SGCD: variants seen among roughly 807,000 people sequenced by gnomAD.
SGCD encodes delta-sarcoglycan.
In SGCD, 18 loss-of-function variants were observed where a neutral mutation model predicts 36.6. The observed-to-expected ratio is 0.49, with a 90% CI of 0.34 to 0.73. SGCD has a LOEUF of 0.73. SGCD is among the 30% of genes least tolerant of loss of function. SGCD has a pLI of 0.01. For missense variants in SGCD, 387 were observed against 346.7 expected (o/e 1.12, Z -0.92); for synonymous variants, 133 against 130.6 (o/e 1.02, Z -0.12).
chr5:156,415,136 CT>C (rs1255491875), intron 3 of SGCD, among the ~76,000 whole-genome samples: 2 of 151,906 alleles, frequency 1.3e-5, no homozygotes, highest in Non-Finnish European at 2.9e-5. Flanking sequence ...AAAGGTCTGT[CT>C]TTAGTTATAC....
At chr5:155,778,574 A>G in the SGCD span, among the ~76,000 whole-genome samples, 2 of 152,150 alleles carry the variant, frequency 1.3e-5, no homozygotes, top group African/African-American at 4.8e-5. Flanking sequence ...GAGCCTACGC[A>G]TCTAATTTTA....
chr5:155,919,140 A>G (rs1280275429), intron 1 of SGCD, among the ~76,000 whole-genome samples: 1 of 152,262 alleles, frequency 6.6e-6, no homozygotes, highest in Non-Finnish European at 1.5e-5. Context: ...ACTAAAAATA[A>G]CATAAGACAG....
chr5:156,128,417 C>T (rs1339593131), intron 3 of SGCD, among the ~76,000 whole-genome samples: 4 of 152,248 alleles, frequency 2.6e-5, no homozygotes, highest in African/African-American at 9.6e-5. Flanking sequence ...AACATTTGTG[C>T]ACACATTTTC....
intron 1 of SGCD, among the ~76,000 whole-genome samples, chr5:155,942,334 G>GTATGTATCTATC (rs779514666): frequency 8.7e-4 from 120 of 138,498 alleles, no homozygotes; most frequent in African/African-American, 1.7e-3. Flanking sequence ...ATGTATGTAT[G>GTATGTATCTATC]TATCTATCTA....
intron 3 of SGCD, among the ~76,000 whole-genome samples, chr5:156,301,130 T>C (rs1348823069): frequency 6.6e-6 from 1 of 152,050 alleles, no homozygotes; most frequent in Admixed American, 6.5e-5. Context: ...TGCCATTTTG[T>C]TATTTATTTT....
At chr5:156,733,677 G>T (rs561907189) in intron 7 of SGCD, among the ~76,000 whole-genome samples, 12 of 152,156 alleles carry the variant, frequency 7.9e-5, no homozygotes, top group Non-Finnish European at 1.5e-4. Context: ...ATGAATCTGG[G>T]TGCATATTTA....
At chr5:156,294,743 TG>T (rs1766851452) in intron 3 of SGCD, among the ~76,000 whole-genome samples, 1 of 152,210 alleles carries the variant, frequency 6.6e-6, no homozygotes, top group Non-Finnish European at 1.5e-5. Flanking sequence ...GATGATCATG[TG>T]GTTCCTCCTG....
chr5:156,568,940 G>A lies in SGCD; in HGVS notation c.295-20291G>A, dbSNP rs570605911. ...ATACCATGAAATCATTATTATGTAT[G>A]TACACCAATATTACAGAATTCATGG... On this transcript the variant is annotated intron_variant, in intron 4 of 8. Coordinates refer to ENST00000337851, the MANE Select transcript of SGCD (RefSeq NM_000337.6). Among the ~76,000 whole-genome samples the A allele has an allele frequency of 1.6e-3, 243 of 152,262 alleles. 5 individuals carry two copies. In the South Asian group the frequency reaches 0.025, roughly 16 times the overall value.
chr5:156,075,200 A>T (rs1760736674), intron 1 of SGCD, among the ~76,000 whole-genome samples: 1 of 152,174 alleles, frequency 6.6e-6, no homozygotes, highest in African/African-American at 2.4e-5. Context: ...TACAAAAAAA[A>T]AATGCAGAAA....
At chr5:156,682,055 A>G (rs1208421670) in intron 7 of SGCD, among the ~76,000 whole-genome samples, 2 of 152,238 alleles carry the variant, frequency 1.3e-5, no homozygotes, top group African/African-American at 4.8e-5. Flanking sequence ...TAGAATCTAT[A>G]TAAAAAGGGT....
At chr5:156,379,667 G>A (rs931083619) in intron 3 of SGCD, among the ~76,000 whole-genome samples, 8 of 152,060 alleles carry the variant, frequency 5.3e-5, no homozygotes, top group African/African-American at 1.9e-4. Flanking sequence ...CAGAAGGGGA[G>A]AGGGGAGAAG....
At chr5:156,714,513 CAG>C (rs1159689128) in intron 7 of SGCD, among the ~76,000 whole-genome samples, 1 of 152,080 alleles carries the variant, frequency 6.6e-6, no homozygotes, top group Admixed American at 6.6e-5. Context: ...TATCTTTAAA[CAG>C]AAACACACAT....
intron 3 of SGCD, among the ~76,000 whole-genome samples, chr5:156,263,759 G>T (rs1451912410): frequency 6.6e-6 from 1 of 152,030 alleles, no homozygotes; most frequent in Non-Finnish European, 1.5e-5. Flanking sequence ...ATCTTGAGTT[G>T]ACTTTTGTAT....
intron 3 of SGCD, among the ~76,000 whole-genome samples, chr5:156,384,406 C>T (rs985938948): frequency 1.3e-5 from 2 of 152,072 alleles, no homozygotes; most frequent in African/African-American, 4.8e-5. Flanking sequence ...CTATCAAAGC[C>T]TTTCTTGTTC....
chr5:156,205,268 A>T (rs955501037), intron 3 of SGCD, among the ~76,000 whole-genome samples: 4 of 152,078 alleles, frequency 2.6e-5, no homozygotes, highest in African/African-American at 9.7e-5. Context: ...GTAGGCTGGT[A>T]AGAGTTAAGA....
chr5:156,572,077 A>G (rs1393276643), intron 4 of SGCD, among the ~76,000 whole-genome samples: 3 of 152,234 alleles, frequency 2.0e-5, no homozygotes, highest in Admixed American at 1.3e-4. Flanking sequence ...AGCATGTATC[A>G]TACCTCATTT....
At chr5:156,377,652 G>A (rs1417395637) in intron 3 of SGCD, among the ~76,000 whole-genome samples, 2 of 152,110 alleles carry the variant, frequency 1.3e-5, no homozygotes, top group Admixed American at 1.3e-4. Context: ...TTAGAGATGG[G>A]AATGGTGTGT....
chr5:156,631,695 T>C (rs1471613419), intron 6 of SGCD, among the ~76,000 whole-genome samples: 2 of 152,032 alleles, frequency 1.3e-5, no homozygotes, highest in African/African-American at 4.8e-5. Flanking sequence ...AGAACACCTT[T>C]TAGCGTACCT....
At chr5:155,741,695 T>TC in the SGCD span, among the ~76,000 whole-genome samples, 1 of 150,800 alleles carries the variant, frequency 6.6e-6, no homozygotes, top group Non-Finnish European at 1.5e-5. Flanking sequence ...TTCTTTTTTT[T>TC]TTTTTTTTTT....
Sources: gnomAD v4.1 joint callset for allele counts (sites outside exome capture counted in the v4.1 genomes callset) on GRCh38, gnomAD v4.1.1 for gene constraint, MANE v1.5 for transcripts, NCBI Gene and HGNC (gene_info 2026-07-23, HGNC 2026-07-21) for gene names.